The following IQANK1 variants were observed in gnomAD, a reference collection of about 807,000 sequenced individuals.
IQANK1 encodes the protein IQ motif and ankyrin repeat containing 1.
A neutral mutation model predicts 22.6 loss-of-function variants in IQANK1; 30 were observed. The ratio of observed to expected loss-of-function variants is 1.33; its 90% CI spans 0.99 to 1.80. IQANK1 has a LOEUF of 1.80. Among genes scored for constraint, IQANK1 ranks in the 40% most tolerant of loss-of-function variants. The pLI, the probability that IQANK1 is intolerant of heterozygous loss-of-function variation, is 0.00. For missense variants in IQANK1, 275 were observed against 235.2 expected, an observed-to-expected ratio of 1.17 and a Z score of -1.11; for synonymous variants, 122 against 99.6, an observed-to-expected ratio of 1.23 and a Z score of -1.34.
chr8:143,773,313 A>C (rs370327231), intron 7 of IQANK1, among the ~76,000 whole-genome samples: 3,012 of 137,030 alleles, frequency 0.022, 76 homozygotes, highest in Admixed American at 0.04. Flanking sequence ...AAAAAAAAAA[A>C]AAACAAAAAA....
At position 143,748,707 on chromosome 8, in the gene IQANK1, TA is replaced by T. The variant is rs1365125472; in HGVS notation, c.175+8762del. Among the ~76,000 whole-genome samples the T allele has an allele frequency of 1.6e-4, 18 of 114,316 alleles. No homozygotes were observed. In the East Asian group the frequency reaches 3.9e-3, roughly 25 times the overall value. The allele number at this position is 114,316 out of a possible 152,430, so 75.0% of individuals were successfully genotyped here. On this transcript the variant is annotated intron_variant, in intron 3 of 13. Transcript: ENST00000527139. ...ATCATATATATCATATATAAATATATAAATATATATCATATATATCATATAT... is the reference window on the plus strand; with the variant it reads ...ATCATATATATCATATATAAATATATAATATATATCATATATATCATATAT...
chr8:143,777,963 G>A (rs1367505038), intron 7 of IQANK1, among the ~76,000 whole-genome samples: 1 of 152,176 alleles, frequency 6.6e-6, no homozygotes, highest in African/African-American at 2.4e-5. Flanking sequence ...GGAAGGCCGA[G>A]GCGGGCGGAT....
intron 7 of IQANK1, among the ~76,000 whole-genome samples, chr8:143,785,614 C>T (rs1000122368): frequency 2.0e-5 from 3 of 152,044 alleles, no homozygotes; most frequent in African/African-American, 4.8e-5. Flanking sequence ...GGCTGGAGTG[C>T]AGTGGTGTGA....
chr8:143,772,234 C>T lies in IQANK1; in HGVS notation c.654C>T (p.Pro218=). The T allele has an allele frequency of 2.5e-6, 1 of 396,420 alleles. No individual in the cohort carries two copies. The highest frequency in any genetic ancestry group is 4.5e-6 in the Non-Finnish European group (1 of 224,606). The allele number at this position is 396,420 out of a possible 1,614,324, so 24.6% of individuals were successfully genotyped here. A position where few individuals can be genotyped will look rare whatever the true frequency, so the allele number is the denominator to read the frequency against. ...IQLRAELGAS[P]NSKGAFGPTP... ...TGCGGGCCGAGCTCGGCGCCAGCCCCAACAGCAAGGTGGGCGCCGTGGGCC... is the reference window on the plus strand; with the variant it reads ...TGCGGGCCGAGCTCGGCGCCAGCCCTAACAGCAAGGTGGGCGCCGTGGGCC... The change falls in exon 6 of 14, where the codon CCC becomes CCT. Residue 218 remains proline, a synonymous_variant. Transcript: ENST00000527139.
chr8:143,740,740 CCAGGCCCGG>C (rs1818887710), intron 3 of IQANK1, among the ~76,000 whole-genome samples: 1 of 152,224 alleles, frequency 6.6e-6, no homozygotes. Flanking sequence ...CCTCCCCAGC[CCAGGCCCGG>C]CACCGCCCAT....
intron 3 of IQANK1, among the ~76,000 whole-genome samples, chr8:143,747,962 CCTTTCCT>C (rs1819065414): frequency 9.4e-6 from 1 of 106,668 alleles, no homozygotes; most frequent in Admixed American, 9.8e-5. Context: ...CCTTTCCTTT[CCTTTCCT>C]TTCCCTTTCC....
intron 3 of IQANK1, among the ~76,000 whole-genome samples, chr8:143,751,444 T>C (rs1287487968): frequency 6.6e-6 from 1 of 151,704 alleles, no homozygotes; most frequent in African/African-American, 2.4e-5. Context: ...AAACCCCGTC[T>C]CTACTAAAAA....
chr8:143,757,969 A>G (rs1424702173), intron 3 of IQANK1, among the ~76,000 whole-genome samples: 3 of 152,162 alleles, frequency 2.0e-5, no homozygotes, highest in African/African-American at 2.4e-5. Context: ...ATTTAGTCCA[A>G]TCAGGATAAA....
At chr8:143,788,702 G>A (rs1424678383) in intron 7 of IQANK1, among the ~76,000 whole-genome samples, 4 of 152,214 alleles carry the variant, frequency 2.6e-5, no homozygotes, top group South Asian at 2.1e-4. Flanking sequence ...GGGAGCCCAG[G>A]AGAATTCCCA....
In IQANK1 at chr8:143,771,043, C is replaced by T. The variant is rs1819560453; in HGVS notation, c.176-445C>T. Among the ~76,000 whole-genome samples, 1 of 152,232 alleles carries T rather than the reference C, an allele frequency of 6.6e-6. No individual in the cohort carries two copies. Among genetic ancestry groups the T allele is most frequent in the African/African-American group, 2.4e-5 (1 of 41,474 alleles). The stretch of plus-strand genomic sequence containing the variant: ...CCCTCTGGGGCCCTGGGCTCCGCGC[C>T]CTCTTCTGAGTCCAGCGGGGCTGTG... On this transcript the variant is annotated intron_variant, in intron 3 of 13. Coordinates refer to ENST00000527139, the MANE Select transcript of IQANK1 (RefSeq NM_001381874.1). The surrounding 1 kb of genome is among the most constrained non-coding windows in gnomAD (Gnocchi z 6.0).
At chr8:143,749,354 T>C (rs1819134622) in intron 3 of IQANK1, among the ~76,000 whole-genome samples, 1 of 128,674 alleles carries the variant, frequency 7.8e-6, no homozygotes, top group Non-Finnish European at 1.6e-5. Context: ...AACATAAATA[T>C]ATAAAAATAT....
At chr8:143,762,834 G>A (rs939114621) in intron 3 of IQANK1, among the ~76,000 whole-genome samples, 1 of 152,144 alleles carries the variant, frequency 6.6e-6, no homozygotes. Context: ...AATAAAACTG[G>A]AGAATGAAGT....
intron 3 of IQANK1, among the ~76,000 whole-genome samples, chr8:143,752,810 ACT>A (rs1819219047): frequency 6.6e-6 from 1 of 151,860 alleles, no homozygotes; most frequent in East Asian, 1.9e-4. Context: ...TTGTATAAGT[ACT>A]CTCTACGATG....
chr8:143,751,625 A>AGTGTGTGT (rs1554628034), intron 3 of IQANK1, among the ~76,000 whole-genome samples: 2 of 96,006 alleles, frequency 2.1e-5, no homozygotes, highest in African/African-American at 7.4e-5. Flanking sequence ...AAAAAAAAAA[A>AGTGTGTGT]GTGTGTGTGT....
intron 10 of IQANK1, 110 bp from the exon 11 acceptor site, chr8:143,789,651 C>T (rs1554631926): frequency 2.5e-6 from 3 of 1,211,764 alleles, no homozygotes; most frequent in Non-Finnish European, 3.1e-6. Flanking sequence ...GGGGAGTCAC[C>T]AGCCGACAGT....
At chr8:143,775,787 T>TACACACACACACACACACACACAC (rs35665050) in intron 7 of IQANK1, among the ~76,000 whole-genome samples, 36 of 129,504 alleles carry the variant, frequency 2.8e-4, no homozygotes, top group East Asian at 9.2e-4. Flanking sequence ...ATAGCTGTAT[T>TACACACACACACACACACACACAC]ACACACACAC....
chr8:143,778,244 C>T (rs1470503171), intron 7 of IQANK1, among the ~76,000 whole-genome samples: 1 of 151,332 alleles, frequency 6.6e-6, no homozygotes, highest in Admixed American at 6.6e-5. Context: ...AAAATTGTAG[C>T]TAACTATGTT....
rs1446988128 is a variant in IQANK1 at position 143,774,410 on chromosome 8, A to G, written c.789+1928A>G. Among the ~76,000 whole-genome samples, 2 of 152,224 alleles carry G rather than the reference A, an allele frequency of 1.3e-5. No individual in the cohort carries two copies. Among genetic ancestry groups the G allele is most frequent in the Non-Finnish European group, 2.9e-5 (2 of 68,040 alleles). ...CAAAGACATGAAGAGAAATTTCACC[A>G]AAGAGGATCTAATGATGGCAGATGA... On this transcript the variant is annotated intron_variant, in intron 7 of 13. Transcript: ENST00000527139. The surrounding 1 kb of genome is among the most constrained non-coding windows in gnomAD (Gnocchi z 4.2).
chr8:143,762,232 C>A (rs1418034062), intron 3 of IQANK1, among the ~76,000 whole-genome samples: 1 of 151,750 alleles, frequency 6.6e-6, no homozygotes, highest in African/African-American at 2.4e-5. Flanking sequence ...TCGCTTGAAC[C>A]CAGAAGGCAG....
Sources: allele counts gnomAD v4.1 joint callset (sites outside exome capture counted in the v4.1 genomes callset), GRCh38; gene constraint gnomAD v4.1.1; non-coding constraint Gnocchi (gnomAD v3.1); transcripts MANE v1.5; gene names NCBI Gene and HGNC (gene_info 2026-07-23, HGNC 2026-07-21).